The following PTPN7 variants were observed in gnomAD, a reference collection of about 807,000 sequenced individuals.
PTPN7 encodes the protein tyrosine-protein phosphatase non-receptor type 7.
PTPN7 carries 33 observed loss-of-function variants against 50.3 expected under a neutral mutation model. The observed-to-expected ratio is 0.66, with a 90% CI of 0.50 to 0.88. The LOEUF is 0.88. Among genes scored for constraint, PTPN7 ranks in the 40% least tolerant of loss-of-function variants. PTPN7 has a pLI of 0.00. For synonymous variants in PTPN7, 185 were observed against 186.6 expected, an observed-to-expected ratio of 0.99 and a Z score of 0.07; for missense variants, 412 against 475.4, an observed-to-expected ratio of 0.87 and a Z score of 1.24.
intron 4 of PTPN7, 58 bp downstream of exon 4, chr1:202,157,681 A>G: frequency 1.3e-6 from 2 of 1,500,452 alleles, no homozygotes; most frequent in Non-Finnish European, 1.8e-6. Flanking sequence ...TTGTCCTCTG[A>G]AGTTCTCTAG....
rs964371666 is a variant in PTPN7, at chr1:202,153,798, T to C, written c.644A>G (p.Tyr215Cys). 3.7e-6 allele frequency: 6 copies of C among 1,613,920 alleles called. No individual in the cohort carries two copies. Among genetic ancestry groups the C allele is most frequent in the East Asian group, 2.2e-5 (1 of 44,888 alleles). The change falls in exon 7 of 10, where the codon TAT (tyrosine) becomes TGT (cysteine). Residue 215 changes from tyrosine (Y) to cysteine (C), a missense_variant. Transcript: ENST00000691036. ...CTGGATGCGGATCTGGAAGGGTCCA[T>C]AGGTTTCCTCTTCTGTGGGCCAGTA... Reference protein sequence around the residue: ...VHYWPTEEETYGPFQIRIQDM... With the variant: ...VHYWPTEEETCGPFQIRIQDM...
In PTPN7 at chr1:202,148,552, A is replaced by G; in HGVS notation, c.*54T>C. On this transcript the variant is annotated 3_prime_UTR_variant, in exon 10 of 10. Coordinates refer to ENST00000691036, the MANE Select transcript of PTPN7 (RefSeq NM_002832.4). ...CACTCGGCCCACTTTCCCCAGACCCACCTTCCCAGGCTTGAGGGAGGTAGG... is the reference window on the plus strand; with the variant it reads ...CACTCGGCCCACTTTCCCCAGACCCGCCTTCCCAGGCTTGAGGGAGGTAGG... 1 of 1,539,570 alleles carries G rather than the reference A, an allele frequency of 6.5e-7. No homozygotes were observed. Among genetic ancestry groups the G allele is most frequent in the Non-Finnish European group, 8.9e-7 (1 of 1,117,620 alleles).
At chr1:202,150,158 T>C (rs1655814179) in intron 9 of PTPN7, 153 bp downstream of exon 9, 1 of 632,090 alleles carries the variant, frequency 1.6e-6, no homozygotes, top group African/African-American at 1.8e-5. Context: ...TTTTCCTGGT[T>C]GTTAGTTGTA....
rs749448516 is a variant in PTPN7 at position 202,157,747 on chromosome 1, A to G, written c.383T>C (p.Ile128Thr). The change falls in exon 4 of 10, where the codon ATC (isoleucine) becomes ACC (threonine). Residue 128 changes from isoleucine (I) to threonine (T), a missense_variant. Ile to Thr is a moderately conservative substitution (Grantham distance 89). Coordinates refer to ENST00000691036, the MANE Select transcript of PTPN7 (RefSeq NM_002832.4). ...CCAGCAGCAGTTCTTACTTGGCAAG[A>G]TGGTCTTGTATCGGTCCTTGGAGGC... ...GHASKDRYKT[I>T]LPNPQSRVCL... 6.2e-7 allele frequency: 1 copy of G among 1,613,392 alleles called. No individual in the cohort carries two copies. The highest frequency in any genetic ancestry group is 8.5e-7 in the Non-Finnish European group (1 of 1,179,382).
chr1:202,155,713 T>A (rs766352437), intron 4 of PTPN7, 104 bp from the exon 5 acceptor site: 108 of 989,862 alleles, frequency 1.1e-4, no homozygotes, highest in Non-Finnish European at 1.5e-4. Context: ...ATCACAGTCA[T>A]AGCACCTTGT....
intron 7 of PTPN7, 85 bp from the exon 8 acceptor site, chr1:202,152,784 G>T: frequency 6.7e-6 from 10 of 1,485,438 alleles, no homozygotes; most frequent in Non-Finnish European, 9.2e-6. Flanking sequence ...GAGGGCAAGG[G>T]CTGGAATTAC....
chr1:202,157,878 T>C, intron 3 of PTPN7, 55 bp from the exon 4 acceptor site: 1 of 1,529,130 alleles, frequency 6.5e-7, no homozygotes, highest in East Asian at 2.3e-5. Flanking sequence ...TTTTCTCTCC[T>C]TCTACCTTTT....
At position 202,158,424 on chromosome 1, in the gene PTPN7, T is replaced by C. The variant is rs1571762049; in HGVS notation, c.123-123A>G. 5.8e-6 allele frequency: 6 copies of C among 1,026,692 alleles called. No individual in the cohort carries two copies. The East Asian group carries it at 1.6e-4, about 27-fold the overall frequency. The allele number at this position is 1,026,692 out of a possible 1,614,324, so 63.6% of individuals were successfully genotyped here. A position where few individuals can be genotyped will look rare whatever the true frequency, so the allele number is the denominator to read the frequency against. The stretch of plus-strand genomic sequence containing the variant: ...GCCCAGGTCTGGAGTGTGATGGCAC[T>C]ATTATGGCTCACAGCAGCCTCAAAC... On this transcript the variant is annotated intron_variant, in intron 2 of 9. Coordinates refer to ENST00000691036, the MANE Select transcript of PTPN7 (RefSeq NM_002832.4).
Position 202,154,125 on chromosome 1 carries a change from TG to T in PTPN7, c.606+60del, listed in dbSNP as rs150747336. The stretch of plus-strand genomic sequence containing the variant: ...GTTCTGAGCTGCCCTGTGTGTGGGG[TG>T]GGGGTGGGGTGGGCATAGCACTTTC... On this transcript the variant is annotated intron_variant, in intron 6 of 9. Transcript: ENST00000691036. The T allele has an allele frequency of 2.8e-3, 3,737 of 1,311,840 alleles. 9 individuals carry two copies. Among genetic ancestry groups the T allele is most frequent in the African/African-American group, 0.012 (715 of 58,014 alleles). The allele number at this position is 1,311,840 out of a possible 1,614,324, so 81.3% of individuals were successfully genotyped here.
At position 202,159,313 on chromosome 1, in the gene PTPN7, C is replaced by T. The variant is rs141998458; in HGVS notation, c.90G>A (p.Thr30=). 244 of 1,614,156 alleles carry T rather than the reference C, an allele frequency of 1.5e-4. 2 individuals carry two copies. The African/African-American group carries it at 2.0e-3, about 13-fold the overall frequency. The change falls in exon 2 of 10, where the codon ACG becomes ACA. Residue 30 remains threonine (T), a synonymous_variant. Transcript: ENST00000691036. The surrounding 1 kb of genome is among the most constrained non-coding windows in gnomAD (Gnocchi z 4.6). Reference sequence around the variant, plus strand: ...GCAGTCGCACATGCTTCTTGGCTGGCGTTTTTTCAGGCGGAGGCTGGGTCA... The same window carrying T: ...GCAGTCGCACATGCTTCTTGGCTGGTGTTTTTTCAGGCGGAGGCTGGGTCA... ...AAMTQPPPEK[T]PAKKHVRLQE...
chr1:202,160,594 T>G lies in PTPN7; in HGVS notation c.-102A>C, dbSNP rs1571770060. 3 of 1,550,512 alleles carry G rather than the reference T, an allele frequency of 1.9e-6. No homozygotes were observed. The highest frequency in any genetic ancestry group is 4.9e-5 in the East Asian group (2 of 40,924). ...GCCTCTTGCCAGCTGTCTGTCTGTC[T>G]GTCGGTCTGTCTTTGAGGGCTGAGA... On this transcript the variant is annotated 5_prime_UTR_variant, in exon 1 of 10. Transcript: ENST00000691036. This position sits in a 1 kb window ranked among gnomAD's most constrained non-coding sequence, Gnocchi z 4.8.
intron 6 of PTPN7, among the ~76,000 whole-genome samples, 156 bp from the exon 7 acceptor site, chr1:202,153,991 AG>A (rs1280461723): frequency 1.3e-5 from 2 of 152,128 alleles, no homozygotes; most frequent in Non-Finnish European, 2.9e-5. Context: ...ACCTGCAAGC[AG>A]AGTGCTCACC....
At chr1:202,161,502 C>T (rs771970488), upstream of PTPN7, 1 of 1,289,826 alleles carries the variant, frequency 7.8e-7, no homozygotes, top group Non-Finnish European at 1.0e-6. Context: ...ACTCCTCTGC[C>T]CACTGCCCCT....
At chr1:202,156,344 A>C (rs558720225) in intron 4 of PTPN7, among the ~76,000 whole-genome samples, 6 of 152,338 alleles carry the variant, frequency 3.9e-5, no homozygotes, top group African/African-American at 1.4e-4. Context: ...GATGTAGAGG[A>C]AGAAGAATTT....
In PTPN7 at chr1:202,159,534, G is replaced by T. The variant is rs1216632361; in HGVS notation, c.-52-80C>A. ...GAGGCTCCCATGCCAGGCCAGGTTT[G>T]CACTCTGTTTTCACTGGGGCGTCTT... is the stretch of plus-strand genomic sequence containing the variant. On this transcript the variant is annotated intron_variant, in intron 1 of 9. Transcript: ENST00000691036. This position sits in a 1 kb window ranked among gnomAD's most constrained non-coding sequence, Gnocchi z 4.6. The T allele has an allele frequency of 6.5e-7, 1 of 1,541,044 alleles. No homozygotes were observed.
intron 6 of PTPN7, 24 bp from the exon 7 acceptor site, chr1:202,153,859 C>T (rs1046211077): frequency 6.3e-7 from 1 of 1,581,042 alleles, no homozygotes; most frequent in Non-Finnish European, 8.7e-7. Context: ...AGCTGGGAGT[C>T]AGAAGAGGGT....
upstream of PTPN7, chr1:202,160,935 A>G: frequency 7.0e-7 from 1 of 1,433,372 alleles, no homozygotes; most frequent in Non-Finnish European, 9.1e-7. The surrounding 1 kb of genome is among the most constrained non-coding windows in gnomAD (Gnocchi z 4.8). Context: ...CTGTCCCACA[A>G]AGAACCCAAG....
In PTPN7 at chr1:202,158,178, A is replaced by C; in HGVS notation, c.246T>G (p.Leu82=). 1.2e-6 allele frequency: 2 copies of C among 1,613,046 alleles called. No individual in the cohort carries two copies. Among genetic ancestry groups the C allele is most frequent in the Non-Finnish European group, 1.7e-6 (2 of 1,179,526 alleles). The part of the protein sequence containing the change: ...LHFLRTAGHP[L]TRWALQRQPP... ...GCTGGCGCTGAAGGGCCCAGCGGGT[A>C]AGGGGGTGTCCAGCAGTGCGCAGAA... Residue 82 remains leucine (L), a synonymous_variant, in exon 3 of 10, where the codon CTT becomes CTG. Coordinates refer to ENST00000691036, the MANE Select transcript of PTPN7 (RefSeq NM_002832.4).
At chr1:202,160,947 C>T (rs931994054), upstream of PTPN7, 30 of 1,430,340 alleles carry the variant, frequency 2.1e-5, no homozygotes, top group Non-Finnish European at 1.6e-5. The surrounding 1 kb of genome is among the most constrained non-coding windows in gnomAD (Gnocchi z 4.8). Context: ...GAACCCAAGG[C>T]TCTCCTGCTC....
Sources: gnomAD v4.1 joint callset for allele counts (sites outside exome capture counted in the v4.1 genomes callset) on GRCh38, gnomAD v4.1.1 for gene constraint, Gnocchi (gnomAD v3.1) non-coding constraint, MANE v1.5 for transcripts, NCBI Gene and HGNC (gene_info 2026-07-23, HGNC 2026-07-21) for gene names.